The following OR6C76 variants were observed in gnomAD, a reference collection of about 807,000 sequenced individuals.
The protein encoded by OR6C76 is olfactory receptor 6C76.
For synonymous variants in OR6C76, 140 were observed against 137.8 expected (o/e 1.02, Z -0.11); for missense variants, 352 against 357.3 (o/e 0.99, Z 0.12).
In OR6C76 at chr12:55,426,890, C is replaced by T. The variant is rs766809123; in HGVS notation, c.637C>T (p.Leu213Phe). ...TLISTLILVI[L>F]SYTYIIRTIL... ...TATATCCACTTTGATATTAGTAATTCTCTCCTATACTTACATCATCAGAAC... is the reference window on the plus strand; with the variant it reads ...TATATCCACTTTGATATTAGTAATTTTCTCCTATACTTACATCATCAGAAC... Residue 213 changes from leucine to phenylalanine, a missense_variant, in exon 1 of 1, where the codon CTC (leucine) becomes TTC (phenylalanine). Transcript: ENST00000328314. 6.2e-7 allele frequency: 1 copy of T among 1,613,306 alleles called. No individual in the cohort carries two copies. Among genetic ancestry groups the T allele is most frequent in the Admixed American group, 1.7e-5 (1 of 59,794 alleles).
At position 55,426,883 on chromosome 12, in the gene OR6C76, A is replaced by C. The variant is rs1283472308; in HGVS notation, c.630A>C (p.Leu210Phe). 6.2e-7 allele frequency: 1 copy of C among 1,613,336 alleles called. No homozygotes were observed. ...ALFTLISTLI[L>F]VILSYTYIIR... ...TTACTCTTATATCCACTTTGATATT[A>C]GTAATTCTCTCCTATACTTACATCA... Residue 210 changes from leucine (L) to phenylalanine (F), a missense_variant, in exon 1 of 1, where the codon TTA (leucine) becomes TTC (phenylalanine). By Grantham distance (22) the Leu-to-Phe change is conservative. Coordinates refer to ENST00000328314, the MANE Select transcript of OR6C76 (RefSeq NM_001005183.1).
rs1381137689 is a variant in OR6C76 at position 55,426,718 on chromosome 12, A to C, written c.465A>C (p.Pro155=). 6.2e-7 allele frequency: 1 copy of C among 1,613,268 alleles called. No individual in the cohort carries two copies. Among genetic ancestry groups the C allele is most frequent in the African/African-American group, 1.3e-5 (1 of 74,856 alleles). Residue 155 remains proline (P), a synonymous_variant, in exon 1 of 1, where the codon CCA becomes CCC. Coordinates refer to ENST00000328314, the MANE Select transcript of OR6C76 (RefSeq NM_001005183.1). The part of the protein sequence containing the change: ...SWLAGFLVIF[P]PLAMGLQLDF... ...TGGCTGGTTTCTTGGTAATTTTTCC[A>C]CCACTGGCCATGGGCTTACAGCTGG...
In OR6C76 at chr12:55,426,666, G is replaced by T; in HGVS notation, c.413G>T (p.Cys138Phe). The T allele has an allele frequency of 6.2e-7, 1 of 1,613,738 alleles. No homozygotes were observed. Among genetic ancestry groups the T allele is most frequent in the Non-Finnish European group, 8.5e-7 (1 of 1,179,848 alleles). The change falls in exon 1 of 1, where the codon TGT becomes TTT. Residue 138 changes from cysteine (C) to phenylalanine (F), a missense_variant. Coordinates refer to ENST00000328314, the MANE Select transcript of OR6C76 (RefSeq NM_001005183.1). ...ACAACCATCATGAGTGACAGGATCTGTTATCAGCTTATAATCAGCTCTTGG... is the reference window on the plus strand; with the variant it reads ...ACAACCATCATGAGTGACAGGATCTTTTATCAGCTTATAATCAGCTCTTGG... ...HYTTIMSDRI[C>F]YQLIISSWLA...
Position 55,426,316 on chromosome 12 carries a change from G to C in OR6C76, c.63G>C (p.Leu21=), listed in dbSNP as rs1870966905. 6.2e-7 allele frequency: 1 copy of C among 1,613,076 alleles called. No individual in the cohort carries two copies. The highest frequency in any genetic ancestry group is 2.2e-5 in the East Asian group (1 of 44,858). ...TGGGTCTGACGGATAATCCGCAACT[G>C]CAGGTTGTGATTTTCTCGTTCCTAT... The part of the protein sequence containing the change: ...ILLGLTDNPQ[L]QVVIFSFLFL... Residue 21 remains leucine, a synonymous_variant, in exon 1 of 1, where the codon CTG becomes CTC. Transcript: ENST00000328314.
In OR6C76 at chr12:55,426,275, A is replaced by G. The variant is rs1336007096; in HGVS notation, c.22A>G (p.Thr8Ala). 3 of 1,599,588 alleles carry G rather than the reference A, an allele frequency of 1.9e-6. No homozygotes were observed. Among genetic ancestry groups the G allele is most frequent in the Non-Finnish European group, 2.6e-6 (3 of 1,173,420 alleles). The change falls in exon 1 of 1, where the codon ACA becomes GCA. Residue 8 changes from threonine to alanine, a missense_variant. By Grantham distance (58) the Thr-to-Ala change is moderately conservative. Transcript: ENST00000328314. ...AGAAATGAAAAATAGAACATCAGTGACAGATTTCATCCTTCTGGGTCTGAC... is the reference window on the plus strand; with the variant it reads ...AGAAATGAAAAATAGAACATCAGTGGCAGATTTCATCCTTCTGGGTCTGAC... MKNRTSVTDFILLGLTDN... is the reference protein window; with the variant it reads MKNRTSVADFILLGLTDN...
Position 55,426,698 on chromosome 12 carries a change from G to T in OR6C76, c.445G>T (p.Gly149Cys). 1 of 1,613,580 alleles carries T rather than the reference G, an allele frequency of 6.2e-7. No homozygotes were observed. The highest frequency in any genetic ancestry group is 8.5e-7 in the Non-Finnish European group (1 of 1,179,828). Residue 149 changes from glycine to cysteine, a missense_variant, in exon 1 of 1, where the codon GGT becomes TGT. Gly to Cys is a radical substitution (Grantham distance 159). Transcript: ENST00000328314. ...GCTTATAATCAGCTCTTGGCTGGCT[G>T]GTTTCTTGGTAATTTTTCCACCACT... ...YQLIISSWLAGFLVIFPPLAM... is the reference protein window; with the variant it reads ...YQLIISSWLACFLVIFPPLAM...
Position 55,426,439 on chromosome 12 carries a change from G to C in OR6C76, c.186G>C (p.Arg62Ser). 6.2e-7 allele frequency: 1 copy of C among 1,613,648 alleles called. No homozygotes were observed. Among genetic ancestry groups the C allele is most frequent in the Non-Finnish European group, 8.5e-7 (1 of 1,179,748 alleles). ...AGACCCCCATGTATTTCTTCCTCAG[G>C]AATTTCTCCTTGGAAATTTCATTTA... ...HLKTPMYFFLRNFSLEISFTS... is the reference protein window; with the variant it reads ...HLKTPMYFFLSNFSLEISFTS... Residue 62 changes from arginine (R) to serine (S), a missense_variant, in exon 1 of 1, where the codon AGG becomes AGC. Transcript: ENST00000328314.
At position 55,426,737 on chromosome 12, in the gene OR6C76, C is replaced by G. The variant is rs545177147; in HGVS notation, c.484C>G (p.Gln162Glu). Residue 162 changes from glutamine (Q) to glutamate (E), a missense_variant, in exon 1 of 1, where the codon CAG becomes GAG. Transcript: ENST00000328314. Reference protein sequence around the residue: ...VIFPPLAMGLQLDFCDSNVID... With the variant: ...VIFPPLAMGLELDFCDSNVID... Reference sequence around the variant, plus strand: ...TTTTCCACCACTGGCCATGGGCTTACAGCTGGATTTCTGTGACTCCAATGT... The same window carrying G: ...TTTTCCACCACTGGCCATGGGCTTAGAGCTGGATTTCTGTGACTCCAATGT... The G allele has an allele frequency of 3.1e-6, 5 of 1,613,368 alleles. No homozygotes were observed. The highest frequency in any genetic ancestry group is 4.2e-6 in the Non-Finnish European group (5 of 1,179,838).
rs187155674 is a variant in OR6C76 at position 55,427,028 on chromosome 12, A to G, written c.775A>G (p.Thr259Ala). The change falls in exon 1 of 1, where the codon ACA becomes GCA. Residue 259 changes from threonine (T) to alanine (A), a missense_variant. Thr to Ala is a moderately conservative substitution (Grantham distance 58). Transcript: ENST00000328314. ...AAGCTGCATCTTCATGTATGTGAAAACATCAGCAAAGGAAGGAGTTGCTTT... is the reference window on the plus strand; with the variant it reads ...AAGCTGCATCTTCATGTATGTGAAAGCATCAGCAAAGGAAGGAGTTGCTTT... Reference protein sequence around the residue: ...YGSCIFMYVKTSAKEGVALTK... With the variant: ...YGSCIFMYVKASAKEGVALTK... 1.4e-5 allele frequency: 22 copies of G among 1,613,570 alleles called. No individual in the cohort carries two copies. In the Admixed American group the frequency reaches 2.5e-4, roughly 18 times the overall value.
Position 55,427,021 on chromosome 12 carries a change from T to C in OR6C76, c.768T>C (p.Tyr256=). ...SISYGSCIFM[Y]VKTSAKEGVA... ...CTTATGGAAGCTGCATCTTCATGTA[T>C]GTGAAAACATCAGCAAAGGAAGGAG... is the stretch of plus-strand genomic sequence containing the variant. Residue 256 remains tyrosine, a synonymous_variant, in exon 1 of 1, where the codon TAT becomes TAC. Transcript: ENST00000328314. 1 of 1,613,604 alleles carries C rather than the reference T, an allele frequency of 6.2e-7. No homozygotes were observed. Among genetic ancestry groups the C allele is most frequent in the Non-Finnish European group, 8.5e-7 (1 of 1,179,730 alleles).
Position 55,426,917 on chromosome 12 carries a change from A to G in OR6C76, c.664A>G (p.Ile222Val). Reference sequence around the variant, plus strand: ...CTCCTATACTTACATCATCAGAACTATTCTGAGAATCCCCTCAGCACAGCA... The same window carrying G: ...CTCCTATACTTACATCATCAGAACTGTTCTGAGAATCCCCTCAGCACAGCA... ...ILSYTYIIRT[I>V]LRIPSAQQRK... The change falls in exon 1 of 1, where the codon ATT becomes GTT. Residue 222 changes from isoleucine to valine, a missense_variant. Transcript: ENST00000328314. The G allele has an allele frequency of 6.2e-7, 1 of 1,613,492 alleles. No homozygotes were observed. The highest frequency in any genetic ancestry group is 1.1e-5 in the South Asian group (1 of 91,068).
chr12:55,426,625 TA>T lies in OR6C76; in HGVS notation c.374del (p.Lys125SerfsTer9), dbSNP rs1301680827. The T allele has an allele frequency of 1.2e-6, 2 of 1,613,850 alleles. No homozygotes were observed. Among genetic ancestry groups the T allele is most frequent in the African/African-American group, 2.7e-5 (2 of 75,038 alleles). ...CCTATGATTGCTATGTGGCTATATGTAAGCCTCTGCATTATACAACCATCAT... is the reference window on the plus strand; with the variant it reads ...CCTATGATTGCTATGTGGCTATATGTAGCCTCTGCATTATACAACCATCAT... ...MSYDCYVAICKPLHYTTIMSD... is the reference protein window; with the variant it reads ...MSYDCYVAICXPLHYTTIMSD... On this transcript the variant is annotated frameshift_variant, in exon 1 of 1. Transcript: ENST00000328314. LOFTEE classifies it low-confidence loss of function (END_TRUNC).
At position 55,426,348 on chromosome 12, in the gene OR6C76, C is replaced by T. The variant is rs776778880; in HGVS notation, c.95C>T (p.Thr32Met). The T allele has an allele frequency of 1.7e-5, 27 of 1,612,982 alleles. No individual in the cohort carries two copies. Among genetic ancestry groups the T allele is most frequent in the Admixed American group, 5.0e-5 (3 of 59,912 alleles). ...QVVIFSFLFL[T>M]YVLSVTGNLT... is the part of the protein sequence containing the mutation. Reference sequence around the variant, plus strand: ...GTGATTTTCTCGTTCCTATTTCTTACGTATGTACTGAGTGTTACTGGAAAT... The same window carrying T: ...GTGATTTTCTCGTTCCTATTTCTTATGTATGTACTGAGTGTTACTGGAAAT... The change falls in exon 1 of 1, where the codon ACG (threonine) becomes ATG (methionine). Residue 32 changes from threonine (T) to methionine (M), a missense_variant. Coordinates refer to ENST00000328314, the MANE Select transcript of OR6C76 (RefSeq NM_001005183.1).
At position 55,427,186 on chromosome 12, in the gene OR6C76, AC is replaced by A; in HGVS notation, c.934del (p.His312ThrfsTer?). The A allele has an allele frequency of 2.1e-6, 3 of 1,417,098 alleles. No homozygotes were observed. The highest frequency in any genetic ancestry group is 2.6e-5 in the South Asian group (2 of 77,318). The allele number at this position is 1,417,098 out of a possible 1,614,324, so 87.8% of individuals were successfully genotyped here. A position where few individuals can be genotyped will look rare whatever the true frequency, so the allele number is the denominator to read the frequency against. On this transcript the variant is annotated frameshift_variant, in exon 1 of 1. Coordinates refer to ENST00000328314, the MANE Select transcript of OR6C76 (RefSeq NM_001005183.1). LOFTEE classifies it high-confidence loss of function. ...LRKISHKKKK[H>X] ...GAAAGATTTCCCACAAAAAAAAAAAACACTGATTTGAATGCAATTTATAAAT... is the reference window on the plus strand; with the variant it reads ...GAAAGATTTCCCACAAAAAAAAAAAAACTGATTTGAATGCAATTTATAAAT...
Position 55,426,525 on chromosome 12 carries a change from AT to A in OR6C76, c.273del (p.Tyr91Ter). The stretch of plus-strand genomic sequence containing the variant: ...CTAACAGGGGACAAATCCATATCTT[AT>A]AATGCTTGTGCAGCTCAGCTATTTT... ...SILTGDKSIS[Y>X]NACAAQLFFF... On this transcript the variant is annotated frameshift_variant, in exon 1 of 1. Transcript: ENST00000328314. LOFTEE classifies it low-confidence loss of function (END_TRUNC). 6.2e-7 allele frequency: 1 copy of A among 1,613,856 alleles called. No homozygotes were observed. The highest frequency in any genetic ancestry group is 8.5e-7 in the Non-Finnish European group (1 of 1,179,874).
At position 55,426,319 on chromosome 12, in the gene OR6C76, G is replaced by C. The variant is rs1422464737; in HGVS notation, c.66G>C (p.Gln22His). ...LLGLTDNPQL[Q>H]VVIFSFLFLT... ...GTCTGACGGATAATCCGCAACTGCA[G>C]GTTGTGATTTTCTCGTTCCTATTTC... The change falls in exon 1 of 1, where the codon CAG becomes CAC. Residue 22 changes from glutamine to histidine, a missense_variant. Physicochemically the swap from Gln to His is conservative, Grantham distance 24 (BLOSUM62 0). Coordinates refer to ENST00000328314, the MANE Select transcript of OR6C76 (RefSeq NM_001005183.1). The C allele has an allele frequency of 6.2e-7, 1 of 1,613,204 alleles. No individual in the cohort carries two copies. Among genetic ancestry groups the C allele is most frequent in the South Asian group, 1.1e-5 (1 of 90,868 alleles).
chr12:55,426,373 TCTAA>T lies in OR6C76; in HGVS notation c.124_127del (p.Thr42SerfsTer11), dbSNP rs765346405. The stretch of plus-strand genomic sequence containing the variant: ...CGTATGTACTGAGTGTTACTGGAAA[TCTAA>T]CTATCATCTCCCTTACCCTGCTGGA... On this transcript the variant is annotated frameshift_variant, in exon 1 of 1. Coordinates refer to ENST00000328314, the MANE Select transcript of OR6C76 (RefSeq NM_001005183.1). LOFTEE classifies it low-confidence loss of function (END_TRUNC). 1.9e-6 allele frequency: 3 copies of T among 1,613,716 alleles called. No homozygotes were observed. The highest frequency in any genetic ancestry group is 3.3e-5 in the Admixed American group (2 of 59,968).
At position 55,426,636 on chromosome 12, in the gene OR6C76, A is replaced by C. The variant is rs774395510; in HGVS notation, c.383A>C (p.His128Pro). 1.2e-6 allele frequency: 2 copies of C among 1,613,736 alleles called. No individual in the cohort carries two copies. Among genetic ancestry groups the C allele is most frequent in the East Asian group, 4.5e-5 (2 of 44,870 alleles). Reference sequence around the variant, plus strand: ...TATGTGGCTATATGTAAGCCTCTGCATTATACAACCATCATGAGTGACAGG... The same window carrying C: ...TATGTGGCTATATGTAAGCCTCTGCCTTATACAACCATCATGAGTGACAGG... Reference protein sequence around the residue: ...DCYVAICKPLHYTTIMSDRIC... With the variant: ...DCYVAICKPLPYTTIMSDRIC... The change falls in exon 1 of 1, where the codon CAT (histidine) becomes CCT (proline). Residue 128 changes from histidine to proline, a missense_variant. His to Pro is a moderately conservative substitution (Grantham distance 77, BLOSUM62 -2). Coordinates refer to ENST00000328314, the MANE Select transcript of OR6C76 (RefSeq NM_001005183.1).
chr12:55,427,018 G>C lies in OR6C76; in HGVS notation c.765G>C (p.Met255Ile). 6.2e-7 allele frequency: 1 copy of C among 1,613,572 alleles called. No individual in the cohort carries two copies. The highest frequency in any genetic ancestry group is 8.5e-7 in the Non-Finnish European group (1 of 1,179,740). Residue 255 changes from methionine to isoleucine, a missense_variant, in exon 1 of 1, where the codon ATG becomes ATC. Met to Ile is a conservative substitution (Grantham distance 10, BLOSUM62 1). Coordinates refer to ENST00000328314, the MANE Select transcript of OR6C76 (RefSeq NM_001005183.1). The stretch of plus-strand genomic sequence containing the variant: ...TCTCTTATGGAAGCTGCATCTTCAT[G>C]TATGTGAAAACATCAGCAAAGGAAG... The part of the protein sequence containing the change: ...VSISYGSCIF[M>I]YVKTSAKEGV...
Sources: allele counts gnomAD v4.1 joint callset, GRCh38; gene constraint gnomAD v4.1.1; transcripts MANE v1.5; gene names NCBI Gene and HGNC (gene_info 2026-07-23, HGNC 2026-07-21).